TBC1D5: variants seen among roughly 807,000 people sequenced by gnomAD.
The protein encoded by TBC1D5 is TBC1 domain family, member 5.
Under a neutral mutation model 100.3 loss-of-function variants are expected in TBC1D5, and 75 were observed. The observed-to-expected ratio is 0.75, with a 90% CI of 0.62 to 0.91. TBC1D5 has a LOEUF of 0.91. Ranked by LOEUF, TBC1D5 falls within the 40% of genes least tolerant of loss-of-function variation. The pLI is 0.00. For synonymous variants in TBC1D5, 323 were observed against 325.6 expected (o/e 0.99, Z 0.09); for missense variants, 910 against 942.4 (o/e 0.97, Z 0.45).
chr3:17,242,349 T>C (rs1047791158), intron 16 of TBC1D5, among the ~76,000 whole-genome samples: 1 of 152,184 alleles, frequency 6.6e-6, no homozygotes, highest in African/African-American at 2.4e-5. Context: ...TTAGATTTGA[T>C]ATTAAATATG....
intron 1 of TBC1D5, among the ~76,000 whole-genome samples, chr3:17,671,814 T>A (rs1418468658): frequency 1.3e-5 from 2 of 152,208 alleles, no homozygotes; most frequent in East Asian, 3.8e-4. Flanking sequence ...TAAATCAGCA[T>A]CTATGATTAA....
intron 2 of TBC1D5, among the ~76,000 whole-genome samples, chr3:17,616,165 C>T (rs547737501): frequency 5.3e-5 from 8 of 152,314 alleles, no homozygotes; most frequent in Non-Finnish European, 1.2e-4. Context: ...CATTCAGGAG[C>T]AAATTGTTCA....
intron 8 of TBC1D5, among the ~76,000 whole-genome samples, chr3:17,387,998 C>T (rs964516749): frequency 6.6e-6 from 1 of 151,902 alleles, no homozygotes. Flanking sequence ...TTTCTTTCTA[C>T]ATTTGTCCAT....
intron 18 of TBC1D5, among the ~76,000 whole-genome samples, chr3:17,188,055 T>C (rs1206232442): frequency 1.3e-5 from 2 of 152,202 alleles, no homozygotes; most frequent in East Asian, 1.9e-4. Flanking sequence ...TTAGAGGATA[T>C]AGGCACAGCC....
At chr3:17,595,561 G>A (rs1467934884) in intron 2 of TBC1D5, among the ~76,000 whole-genome samples, 1 of 152,282 alleles carries the variant, frequency 6.6e-6, no homozygotes, top group South Asian at 2.1e-4. Context: ...CTCTGGGATA[G>A]AGCTATACTA....
At chr3:17,250,655 C>T (rs961760536) in intron 16 of TBC1D5, among the ~76,000 whole-genome samples, 2 of 152,212 alleles carry the variant, frequency 1.3e-5, no homozygotes, top group Non-Finnish European at 2.9e-5. Flanking sequence ...CCCAAGAATC[C>T]ACGTGGCACC....
At chr3:17,329,781 CT>C in intron 13 of TBC1D5, among the ~76,000 whole-genome samples, 1 of 152,114 alleles carries the variant, frequency 6.6e-6, no homozygotes, top group African/African-American at 2.4e-5. Context: ...AAGATGCCAT[CT>C]AAGATCTAAC....
chr3:17,424,731 C>A (rs2094297978), intron 4 of TBC1D5, among the ~76,000 whole-genome samples: 1 of 151,938 alleles, frequency 6.6e-6, no homozygotes, highest in Admixed American at 6.6e-5. Context: ...CTATCTGAAT[C>A]CATGAAGCAA....
At chr3:17,274,312 G>A (rs2079751749) in intron 15 of TBC1D5, among the ~76,000 whole-genome samples, 1 of 152,058 alleles carries the variant, frequency 6.6e-6, no homozygotes, top group African/African-American at 2.4e-5. Context: ...AAATTTTTTA[G>A]TTTTTGTTCA....
At chr3:17,552,636 T>C (rs1046948030) in intron 2 of TBC1D5, among the ~76,000 whole-genome samples, 1 of 151,946 alleles carries the variant, frequency 6.6e-6, no homozygotes, top group Non-Finnish European at 1.5e-5. Flanking sequence ...AGACAGAAAA[T>C]AAACAAATAT....
chr3:17,346,232 T>G (rs2089854035), intron 13 of TBC1D5, among the ~76,000 whole-genome samples: 1 of 152,190 alleles, frequency 6.6e-6, no homozygotes, highest in Admixed American at 6.5e-5. Context: ...ACTGTGAAAT[T>G]GATCCTTTCC....
intron 17 of TBC1D5, among the ~76,000 whole-genome samples, chr3:17,220,054 T>C (rs116695456): frequency 2.6e-5 from 4 of 152,244 alleles, no homozygotes; most frequent in African/African-American, 9.6e-5. Context: ...TTAACACTCT[T>C]GAGTAGTCAT....
intron 3 of TBC1D5, among the ~76,000 whole-genome samples, chr3:17,505,024 C>T (rs1420488765): frequency 2.0e-5 from 3 of 151,962 alleles, no homozygotes; most frequent in Non-Finnish European, 2.9e-5. Flanking sequence ...GGAAGCAAAA[C>T]GGAGTTGGCA....
intron 9 of TBC1D5, among the ~76,000 whole-genome samples, chr3:17,383,086 G>T (rs2093015362): frequency 6.6e-6 from 1 of 151,792 alleles, no homozygotes; most frequent in South Asian, 2.1e-4. Context: ...GTACGATTTG[G>T]TATATTTGTA....
chr3:17,628,800 A>G (rs1040905485), intron 1 of TBC1D5, among the ~76,000 whole-genome samples: 4 of 152,330 alleles, frequency 2.6e-5, no homozygotes, highest in Admixed American at 2.0e-4. Context: ...AAGCTAACCA[A>G]TAAGTCAGAT....
chr3:17,601,892 C>T (rs1233973968), intron 2 of TBC1D5, among the ~76,000 whole-genome samples: 2 of 152,008 alleles, frequency 1.3e-5, no homozygotes, highest in Admixed American at 6.6e-5. Context: ...TGCAGTGGCG[C>T]GATCTCGGCT....
chr3:17,544,015 G>A (rs1489286490), intron 2 of TBC1D5, among the ~76,000 whole-genome samples: 1 of 151,862 alleles, frequency 6.6e-6, no homozygotes, highest in Non-Finnish European at 1.5e-5. Flanking sequence ...CTATAGGCAC[G>A]CACCACCATG....
At chr3:17,455,606 A>G (rs939130304) in intron 3 of TBC1D5, among the ~76,000 whole-genome samples, 2 of 151,424 alleles carry the variant, frequency 1.3e-5, no homozygotes, top group African/African-American at 4.9e-5. Flanking sequence ...TGGGAGGCCA[A>G]TGCAGTGGAT....
At chr3:17,180,719 A>G (rs1398016788) in intron 19 of TBC1D5, among the ~76,000 whole-genome samples, 2 of 152,170 alleles carry the variant, frequency 1.3e-5, no homozygotes, top group Admixed American at 1.3e-4. Context: ...GAGCTAAATA[A>G]TGTGTATATA....
Sources: gnomAD v4.1 joint callset for allele counts (sites outside exome capture counted in the v4.1 genomes callset) on GRCh38, gnomAD v4.1.1 for gene constraint, MANE v1.5 for transcripts, NCBI Gene and HGNC (gene_info 2026-07-23, HGNC 2026-07-21) for gene names.